Variants in NTRK2 observed in about 807,000 individuals in gnomAD.
NTRK2 encodes the protein BDNF/NT-3 growth factors receptor.
A neutral mutation model predicts 94.5 loss-of-function variants in NTRK2; 13 were observed. The observed-to-expected ratio is 0.14, with a 90% CI of 0.09 to 0.22. NTRK2 has a LOEUF of 0.22. NTRK2 is among the 10% of genes least tolerant of loss of function. NTRK2 has a pLI of 1.00. For synonymous variants in NTRK2, 372 were observed against 407.4 expected (o/e 0.91, Z 1.05); for missense variants, 639 against 1,071.2 (o/e 0.60, Z 5.63).
At chr9:85,004,053 G>GAAAGAAAGAAAGAAAAGAAA (rs1316613240) in intron 17 of NTRK2, among the ~76,000 whole-genome samples, 25 of 64,788 alleles carry the variant, frequency 3.9e-4, no homozygotes, top group South Asian at 5.6e-4. Context: ...AAGGGAGAAA[G>GAAAGAAAGAAAGAAAAGAAA]AGAAAGAAAG....
intron 17 of NTRK2, among the ~76,000 whole-genome samples, chr9:84,982,095 T>A (rs56210238): frequency 0.22 from 33,287 of 152,158 alleles, 4,377 homozygotes; most frequent in African/African-American, 0.37. Context: ...TCTTTCCTTT[T>A]TATTGGGTAG....
chr9:84,938,067 C>T (rs148643640), intron 15 of NTRK2, among the ~76,000 whole-genome samples: 84 of 152,180 alleles, frequency 5.5e-4, no homozygotes, highest in Middle Eastern at 3.4e-3. Flanking sequence ...AAAACTGAGA[C>T]TCAAGGAAGT....
intron 12 of NTRK2, chr9:84,812,336 A>G (rs956816450): frequency 1.9e-6 from 2 of 1,058,638 alleles, no homozygotes; most frequent in Non-Finnish European, 2.3e-6. Flanking sequence ...TCACTTGGCT[A>G]CTTCATACCC....
At chr9:84,958,023 T>C (rs1370959090) in intron 17 of NTRK2, among the ~76,000 whole-genome samples, 2 of 152,184 alleles carry the variant, frequency 1.3e-5, no homozygotes, top group Non-Finnish European at 2.9e-5. Flanking sequence ...TCCATTTATA[T>C]GAAATGTCCA....
At chr9:84,848,285 A>G (rs905697304) in intron 12 of NTRK2, among the ~76,000 whole-genome samples, 2 of 152,222 alleles carry the variant, frequency 1.3e-5, no homozygotes, top group Non-Finnish European at 2.9e-5. Flanking sequence ...TTAGTCCCCA[A>G]TACAAACAAA....
intron 2 of NTRK2, among the ~76,000 whole-genome samples, chr9:84,697,944 C>G (rs1256598139): frequency 6.6e-6 from 1 of 152,126 alleles, no homozygotes; most frequent in Non-Finnish European, 1.5e-5. Flanking sequence ...CCCTCCCACC[C>G]TTTCTTGCTT....
rs147797470 is a variant in NTRK2, at chr9:84,861,857, T to G, written c.1444+770T>G. 4.6e-3 allele frequency among the ~76,000 whole-genome samples: 705 copies of G among 152,318 alleles called. 11 individuals carry two copies. Among genetic ancestry groups the G allele is most frequent in the Admixed American group, 0.037 (573 of 15,292 alleles). On this transcript the variant is annotated intron_variant, in intron 13 of 18. Coordinates refer to ENST00000277120, the MANE Select transcript of NTRK2 (RefSeq NM_006180.6). ...TTAGTTATTCTTTTGGTAGCAAGGT[T>G]GGCCATAGGTAAAATGGCAAAGTAG...
intron 17 of NTRK2, among the ~76,000 whole-genome samples, chr9:84,982,374 G>A (rs1371667066): frequency 6.6e-6 from 1 of 152,210 alleles, no homozygotes; most frequent in Non-Finnish European, 1.5e-5. Context: ...AGATCTATCT[G>A]CTGGCCTGTG....
intron 9 of NTRK2, among the ~76,000 whole-genome samples, chr9:84,739,597 A>G (rs2132270346): frequency 6.6e-6 from 1 of 152,304 alleles, no homozygotes; most frequent in East Asian, 1.9e-4. Context: ...CTGAATCCTC[A>G]GGCTTGTCAC....
chr9:84,906,003 G>A (rs2077064994), intron 14 of NTRK2, among the ~76,000 whole-genome samples: 1 of 152,156 alleles, frequency 6.6e-6, no homozygotes, highest in South Asian at 2.1e-4. Flanking sequence ...AGCAGAATGT[G>A]AATTCGATTT....
At chr9:84,824,123 G>GCTTTC (rs1002199816) in intron 12 of NTRK2, among the ~76,000 whole-genome samples, 3 of 152,184 alleles carry the variant, frequency 2.0e-5, no homozygotes, top group African/African-American at 7.2e-5. Flanking sequence ...AGGGAGCTGG[G>GCTTTC]CTTTCATATG....
chr9:84,879,095 G>T (rs1211652905), intron 14 of NTRK2, among the ~76,000 whole-genome samples: 2 of 152,106 alleles, frequency 1.3e-5, no homozygotes, highest in African/African-American at 4.8e-5. Context: ...TTTATTTGTT[G>T]TATGTGACTC....
At chr9:84,866,494 G>A (rs2075601354) in intron 13 of NTRK2, among the ~76,000 whole-genome samples, 1 of 152,160 alleles carries the variant, frequency 6.6e-6, no homozygotes, top group Admixed American at 6.6e-5. Context: ...CTGTGAAATA[G>A]GGATCCCAGA....
chr9:84,843,300 G>A (rs979452386), intron 12 of NTRK2, among the ~76,000 whole-genome samples: 1 of 152,198 alleles, frequency 6.6e-6, no homozygotes, highest in African/African-American at 2.4e-5. Flanking sequence ...TGAGGCATGC[G>A]ACCTGTGTTT....
intron 14 of NTRK2, among the ~76,000 whole-genome samples, chr9:84,888,668 A>C: frequency 6.8e-6 from 1 of 146,204 alleles, no homozygotes. Context: ...GAAGAGACTC[A>C]AACCCAGGTT....
chr9:84,809,894 A>AG (rs1348983408), intron 12 of NTRK2, among the ~76,000 whole-genome samples: 2 of 150,358 alleles, frequency 1.3e-5, no homozygotes, highest in Admixed American at 6.6e-5. Context: ...AAAAAAAAAA[A>AG]AAAAAAAAGA....
At chr9:84,813,402 A>G (rs2072029574) in intron 12 of NTRK2, 1 of 1,063,002 alleles carries the variant, frequency 9.4e-7, no homozygotes, top group Non-Finnish European at 1.1e-6. Context: ...TTGTAAGCCA[A>G]CAAAAGTCTG....
chr9:84,994,694 T>C (rs532495423), intron 17 of NTRK2, among the ~76,000 whole-genome samples: 1 of 152,352 alleles, frequency 6.6e-6, no homozygotes, highest in South Asian at 2.1e-4. Context: ...GTGTGGCTTT[T>C]TTCCCCCTGT....
intron 12 of NTRK2, among the ~76,000 whole-genome samples, chr9:84,808,397 G>A (rs1588741138): frequency 1.3e-5 from 2 of 152,198 alleles, no homozygotes; most frequent in African/African-American, 4.8e-5. Context: ...CAGGTTAATC[G>A]TGTTATTGAG....
Sources: allele counts gnomAD v4.1 joint callset (sites outside exome capture counted in the v4.1 genomes callset), GRCh38; gene constraint gnomAD v4.1.1; transcripts MANE v1.5; gene names NCBI Gene and HGNC (gene_info 2026-07-23, HGNC 2026-07-21).